The following TMPRSS2 variants were observed in gnomAD, a reference collection of about 807,000 sequenced individuals.
TMPRSS2 encodes the protein transmembrane serine protease 2, also known as transmembrane protease serine 2.
A neutral mutation model predicts 67.4 loss-of-function variants in TMPRSS2; 59 were observed. The observed-to-expected ratio is 0.88, with a 90% CI of 0.71 to 1.09. The LOEUF (loss-of-function observed/expected upper bound fraction) is 1.09. TMPRSS2 is among the 50% of genes least tolerant of loss of function. TMPRSS2 has a pLI of 0.00. For missense variants in TMPRSS2, 668 were observed against 642.7 expected (o/e 1.04, Z -0.43); for synonymous variants, 257 against 257.0 (o/e 1.00, Z 0.00).
intron 10 of TMPRSS2, 132 bp downstream of exon 10, chr21:41,471,674 G>A: frequency 1.9e-6 from 2 of 1,034,726 alleles, no homozygotes; most frequent in Non-Finnish European, 2.8e-6. Context: ...CTCTCCCATT[G>A]GCCACCCGCT....
chr21:41,495,598 C>G (rs1569025559), intron 2 of TMPRSS2, among the ~76,000 whole-genome samples: 1 of 146,910 alleles, frequency 6.8e-6, no homozygotes, highest in Non-Finnish European at 1.5e-5. Context: ...ACACTCCAGC[C>G]TGGGCGACAA....
intron 10 of TMPRSS2, among the ~76,000 whole-genome samples, chr21:41,471,600 C>G (rs781514407): frequency 4.6e-5 from 7 of 152,194 alleles, no homozygotes; most frequent in African/African-American, 7.2e-5. Context: ...CAGTACAGTA[C>G]AGAACAGATG....
At chr21:41,481,852 C>G (rs1398268799) in intron 5 of TMPRSS2, among the ~76,000 whole-genome samples, 1 of 152,140 alleles carries the variant, frequency 6.6e-6, no homozygotes, top group Non-Finnish European at 1.5e-5. Flanking sequence ...CACCTGAGGT[C>G]AGGCGTTTGA....
At position 41,486,215 on chromosome 21, in the gene TMPRSS2, G is replaced by A. The variant is rs539934676; in HGVS notation, c.445+2179C>T. Reference sequence around the variant, plus strand: ...TTCTAGTGTAAACATGTCAGAGTGTGCTTAGCTGGAACTAAGATATGAGAG... The same window carrying A: ...TTCTAGTGTAAACATGTCAGAGTGTACTTAGCTGGAACTAAGATATGAGAG... On this transcript the variant is annotated intron_variant, in intron 5 of 13. Coordinates refer to ENST00000332149, the MANE Select transcript of TMPRSS2 (RefSeq NM_005656.4). 3.0e-4 allele frequency among the ~76,000 whole-genome samples: 46 copies of A among 152,320 alleles called. No homozygotes were observed. In the Middle Eastern group the frequency reaches 0.027, roughly 90 times the overall value.
chr21:41,500,865 C>G (rs199661513), intron 1 of TMPRSS2, among the ~76,000 whole-genome samples: 1 of 152,152 alleles, frequency 6.6e-6, no homozygotes, highest in East Asian at 1.9e-4. Context: ...CAATAAATCC[C>G]GCATTCTTGT....
rs914671681 is a variant in TMPRSS2 at position 41,478,062 on chromosome 21, A to C, written c.683+1110T>G. ...CTCCCTGATTCCGTGTGTAACCCAG[A>C]AAGACAAAGAACCACTCAGCATTTA... is the stretch of plus-strand genomic sequence containing the variant. On this transcript the variant is annotated intron_variant, in intron 7 of 13. Coordinates refer to ENST00000332149, the MANE Select transcript of TMPRSS2 (RefSeq NM_005656.4). The surrounding 1 kb of genome is among the most constrained non-coding windows in gnomAD (Gnocchi z 4.0). Among the ~76,000 whole-genome samples, 1 of 152,202 alleles carries C rather than the reference A, an allele frequency of 6.6e-6. No individual in the cohort carries two copies. Among genetic ancestry groups the C allele is most frequent in the African/African-American group, 2.4e-5 (1 of 41,452 alleles).
intron 1 of TMPRSS2, 117 bp downstream of exon 1, chr21:41,507,964 T>C (rs1168766551): frequency 1.4e-6 from 2 of 1,469,970 alleles, no homozygotes; most frequent in Non-Finnish European, 1.8e-6. Context: ...CGCGCCGCGC[T>C]CCTCACACCC....
chr21:41,480,049 A>G (rs2091244685), intron 6 of TMPRSS2, among the ~76,000 whole-genome samples: 1 of 152,248 alleles, frequency 6.6e-6, no homozygotes, highest in South Asian at 2.1e-4. Flanking sequence ...GAATGAAGTG[A>G]AACTGGCACA....
intron 5 of TMPRSS2, among the ~76,000 whole-genome samples, chr21:41,486,042 G>A (rs1457013709): frequency 2.0e-5 from 3 of 152,186 alleles, no homozygotes; most frequent in Non-Finnish European, 2.9e-5. Context: ...TAGAATTCTC[G>A]GCCAGCTCTG....
intron 2 of TMPRSS2, among the ~76,000 whole-genome samples, chr21:41,495,673 T>C (rs1356381831): frequency 6.8e-6 from 1 of 146,350 alleles, no homozygotes; most frequent in African/African-American, 2.5e-5. Flanking sequence ...ACAAGTACCA[T>C]GAAAAATGGG....
chr21:41,489,359 A>C lies in TMPRSS2; in HGVS notation c.325+148T>G, dbSNP rs2298665. On this transcript the variant is annotated intron_variant, in intron 4 of 13. Transcript: ENST00000332149. ...GATGTGTCAATCTCATAGCTAAACA[A>C]GAGAAGGGAAGAGAGACAGCCTCGT... is the stretch of plus-strand genomic sequence containing the variant. The C allele has an allele frequency of 1.4e-4, 84 of 611,164 alleles. No homozygotes were observed. The East Asian group carries it at 2.2e-3, about 16-fold the overall frequency. The allele number at this position is 611,164 out of a possible 1,614,324, so 37.9% of individuals were successfully genotyped here.
In TMPRSS2 at chr21:41,480,974, C is replaced by A. The variant is rs185166990; in HGVS notation, c.446-372G>T. On this transcript the variant is annotated intron_variant, in intron 5 of 13. Transcript: ENST00000332149. ...TGTATCGTCCTAGCTGCTACCCAAGCCCCGCGCTCTCCACGGCTCCGGAGG... is the reference window on the plus strand; with the variant it reads ...TGTATCGTCCTAGCTGCTACCCAAGACCCGCGCTCTCCACGGCTCCGGAGG... 1.4e-4 allele frequency among the ~76,000 whole-genome samples: 22 copies of A among 152,248 alleles called. No individual in the cohort carries two copies. The East Asian group carries it at 4.2e-3, about 29-fold the overall frequency.
At chr21:41,499,424 A>T (rs1027423618) in intron 1 of TMPRSS2, among the ~76,000 whole-genome samples, 2 of 152,206 alleles carry the variant, frequency 1.3e-5, no homozygotes, top group Non-Finnish European at 2.9e-5. Context: ...ATCCAGTTTT[A>T]GCAAAAAACC....
Position 41,465,036 on chromosome 21 carries a change from C to T in TMPRSS2, c.*1106G>A, listed in dbSNP as rs531183955. The T allele has an allele frequency of 3.6e-4, 84 of 233,406 alleles. No individual in the cohort carries two copies. The highest frequency in any genetic ancestry group is 1.4e-3 in the African/African-American group (64 of 45,458). 14.5% of individuals were successfully genotyped at this position (233,406 alleles called of 1,614,324 possible). On this transcript the variant is annotated 3_prime_UTR_variant, in exon 14 of 14. Transcript: ENST00000332149. ...AAACAAAACACATCTTTCTCTTCTTCGCCGCCACCATGGGCACTTTGCTTC... is the reference window on the plus strand; with the variant it reads ...AAACAAAACACATCTTTCTCTTCTTTGCCGCCACCATGGGCACTTTGCTTC...
intron 13 of TMPRSS2, 52 bp from the exon 14 acceptor site, chr21:41,466,205 G>C (rs763498779): frequency 1.2e-6 from 2 of 1,605,654 alleles, no homozygotes; most frequent in Admixed American, 3.4e-5. Flanking sequence ...ACAAACAAAG[G>C]TGGAAAATAA....
rs762937012 is a variant in TMPRSS2 at position 41,468,436 on chromosome 21, A to G, written c.1274T>C (p.Ile425Thr). The G allele has an allele frequency of 6.2e-7, 1 of 1,614,210 alleles. No individual in the cohort carries two copies. The highest frequency in any genetic ancestry group is 8.5e-7 in the Non-Finnish European group (1 of 1,180,032). The change falls in exon 12 of 14, where the codon ATC becomes ACC. Residue 425 changes from isoleucine to threonine, a missense_variant. By Grantham distance (89) the Ile-to-Thr change is moderately conservative (BLOSUM62 -1). Coordinates refer to ENST00000332149, the MANE Select transcript of TMPRSS2 (RefSeq NM_005656.4). ...GTTCCCCTGCAGGAAGCCGGCACAG[A>G]TCATGGCTGGTGTGATCAGGTTGTC... Reference protein sequence around the residue: ...VYDNLITPAMICAGFLQGNVD... With the variant: ...VYDNLITPAMTCAGFLQGNVD...
chr21:41,504,485 GCATTTCCACT>G (rs1569030004), intron 1 of TMPRSS2, among the ~76,000 whole-genome samples: 1 of 152,136 alleles, frequency 6.6e-6, no homozygotes, highest in Non-Finnish European at 1.5e-5. Flanking sequence ...CCCAACCAGC[GCATTTCCACT>G]CATTCAGTTC....
intron 5 of TMPRSS2, among the ~76,000 whole-genome samples, chr21:41,483,266 T>C (rs1218875570): frequency 6.6e-6 from 1 of 152,144 alleles, no homozygotes; most frequent in Non-Finnish European, 1.5e-5. Flanking sequence ...TCTGTTCACT[T>C]TTTTAAAAGT....
intron 1 of TMPRSS2, 173 bp downstream of exon 1, chr21:41,507,908 C>G (rs951118351): frequency 6.7e-7 from 1 of 1,493,928 alleles, no homozygotes; most frequent in Admixed American, 2.1e-5. Flanking sequence ...GGGAGGCGCC[C>G]TGCCCGGCTG....
Sources: allele counts gnomAD v4.1 joint callset (sites outside exome capture counted in the v4.1 genomes callset), GRCh38; gene constraint gnomAD v4.1.1; non-coding constraint Gnocchi (gnomAD v3.1); transcripts MANE v1.5; gene names NCBI Gene and HGNC (gene_info 2026-07-23, HGNC 2026-07-21).